Variants in KCNAB2 observed in about 807,000 individuals in gnomAD.
The protein encoded by KCNAB2 is potassium voltage-gated channel subfamily A regulatory beta subunit 2, also known as voltage-gated potassium channel subunit beta-2.
KCNAB2 carries 29 observed loss-of-function variants against 63.6 expected under a neutral mutation model. The ratio of observed to expected loss-of-function variants is 0.46; its 90% confidence interval spans 0.34 to 0.62. The LOEUF (loss-of-function observed/expected upper bound fraction) is 0.62, where lower values mean the gene tolerates loss of function less well. Ranked by LOEUF, KCNAB2 falls within the 20% of genes least tolerant of loss-of-function variation. The pLI, the probability that KCNAB2 is intolerant of heterozygous loss-of-function variation, is 0.01. For missense variants in KCNAB2, 359 were observed against 563.9 expected, an observed-to-expected ratio of 0.64 and a Z score of 3.68; for synonymous variants, 222 against 224.2, an observed-to-expected ratio of 0.99 and a Z score of 0.09.
intron 2 of KCNAB2, among the ~76,000 whole-genome samples, chr1:6,054,790 C>T (rs1661671426): frequency 2.0e-5 from 3 of 152,172 alleles, no homozygotes; most frequent in Admixed American, 2.0e-4. Context: ...CAAAGTTACA[C>T]TTCTATGCAA....
chr1:6,054,347 C>T (rs1166280138), intron 2 of KCNAB2, among the ~76,000 whole-genome samples: 1 of 151,864 alleles, frequency 6.6e-6, no homozygotes, highest in African/African-American at 2.4e-5. Flanking sequence ...GCAACAAAAG[C>T]AGCCGGGTGA....
chr1:6,068,964 T>G (rs1257671528), intron 2 of KCNAB2, among the ~76,000 whole-genome samples: 1 of 152,154 alleles, frequency 6.6e-6, no homozygotes, highest in Non-Finnish European at 1.5e-5. Flanking sequence ...AGGCCAAGCC[T>G]GATAAGTAAG....
chr1:6,075,210 A>G (rs1204861388), intron 4 of KCNAB2, among the ~76,000 whole-genome samples: 3 of 152,246 alleles, frequency 2.0e-5, no homozygotes, highest in Non-Finnish European at 4.4e-5. Flanking sequence ...GTAGAACGGC[A>G]TAACTTCATT....
chr1:6,088,038 T>C (rs1161050793), intron 7 of KCNAB2, among the ~76,000 whole-genome samples: 2 of 152,014 alleles, frequency 1.3e-5, no homozygotes, highest in African/African-American at 4.8e-5. Context: ...TCATTCATTC[T>C]TTTTTTTATT....
At chr1:6,093,215 T>C (rs1665333086) in intron 10 of KCNAB2, among the ~76,000 whole-genome samples, 1 of 152,220 alleles carries the variant, frequency 6.6e-6, no homozygotes, top group Admixed American at 6.5e-5. Flanking sequence ...GAGCCAGGGC[T>C]TTTCCAGGGT....
chr1:6,016,155 A>G (rs1658482371), intron 1 of KCNAB2, among the ~76,000 whole-genome samples: 1 of 152,160 alleles, frequency 6.6e-6, no homozygotes, highest in Non-Finnish European at 1.5e-5. Flanking sequence ...ACCAGCACCC[A>G]CCTGCTGCCT....
chr1:6,045,328 G>A (rs1421391683), upstream of KCNAB2, among the ~76,000 whole-genome samples: 1 of 152,154 alleles, frequency 6.6e-6, no homozygotes, highest in African/African-American at 2.4e-5. The surrounding 1 kb of genome is among the most constrained non-coding windows in gnomAD (Gnocchi z 4.8). Context: ...GACACGCAGT[G>A]ACCCTGGGGG....
At position 5,994,734 on chromosome 1, in the gene KCNAB2, G is replaced by A. The variant is rs1656847783; in HGVS notation, c.-53+1946G>A. ...AGAAGCCATTGCACCCGGGAGGTGGGACGTGGGCCATGGCGCTAGAGAGCT... is the reference window on the plus strand; with the variant it reads ...AGAAGCCATTGCACCCGGGAGGTGGAACGTGGGCCATGGCGCTAGAGAGCT... On this transcript the variant is annotated intron_variant, in intron 1 of 16. Coordinates refer to the KCNAB2 transcript ENST00000341524. This position sits in a 1 kb window ranked among gnomAD's most constrained non-coding sequence, Gnocchi z 5.4. Among the ~76,000 whole-genome samples, 1 of 152,206 alleles carries A rather than the reference G, an allele frequency of 6.6e-6. No homozygotes were observed. Among genetic ancestry groups the A allele is most frequent in the South Asian group, 2.1e-4 (1 of 4,836 alleles).
intron 1 of KCNAB2, among the ~76,000 whole-genome samples, chr1:6,047,660 G>A (rs1661042169): frequency 6.6e-6 from 1 of 152,210 alleles, no homozygotes; most frequent in Non-Finnish European, 1.5e-5. Context: ...CTGGGCCTTG[G>A]TTACTGTTCT....
rs1230667405 is a variant in KCNAB2, at chr1:6,069,964, CAG to C, written c.219-2790_219-2789del. 1.3e-5 allele frequency among the ~76,000 whole-genome samples: 2 copies of C among 152,208 alleles called. No individual in the cohort carries two copies. Among genetic ancestry groups the C allele is most frequent in the African/African-American group, 2.4e-5 (1 of 41,458 alleles). Reference sequence around the variant, plus strand: ...CTCAGACCAGGAACAGATATGGAATCAGGGGCAGGGGCACCTTTTGCCAGCCC... The same window carrying C: ...CTCAGACCAGGAACAGATATGGAATCGGGCAGGGGCACCTTTTGCCAGCCC... On this transcript the variant is annotated intron_variant, in intron 2 of 15. Transcript: ENST00000378083. The surrounding 1 kb of genome is among the most constrained non-coding windows in gnomAD (Gnocchi z 5.4).
At chr1:6,038,197 T>G (rs1660211035) in intron 1 of KCNAB2, among the ~76,000 whole-genome samples, 1 of 152,024 alleles carries the variant, frequency 6.6e-6, no homozygotes, top group Non-Finnish European at 1.5e-5. Context: ...TCTTTAAGAA[T>G]AAAACTCCAG....
rs111710370 is a variant in KCNAB2, at chr1:6,068,413, G to A, written c.219-4342G>A. Among the ~76,000 whole-genome samples the A allele has an allele frequency of 7.9e-3, 1,209 of 152,210 alleles. 18 individuals carry two copies. Among genetic ancestry groups the A allele is most frequent in the Middle Eastern group, 0.027 (8 of 294 alleles). On this transcript the variant is annotated intron_variant, in intron 2 of 15. Coordinates refer to ENST00000378083, the MANE Select transcript of KCNAB2 (RefSeq NM_001199862.2). Reference sequence around the variant, plus strand: ...GCCCTGGCACTCTCTGACTGAGGGCGGGTTTGCAGTCTGCAGACCAGAGTT... The same window carrying A: ...GCCCTGGCACTCTCTGACTGAGGGCAGGTTTGCAGTCTGCAGACCAGAGTT...
chr1:5,995,013 C>T (rs1381639425), intron 1 of KCNAB2, among the ~76,000 whole-genome samples: 3 of 152,140 alleles, frequency 2.0e-5, no homozygotes, highest in Non-Finnish European at 2.9e-5. Flanking sequence ...ACCAGGGGAC[C>T]GTGCTTCTGT....
At chr1:6,082,729 GC>G (rs1417398332) in intron 5 of KCNAB2, among the ~76,000 whole-genome samples, 4 of 152,210 alleles carry the variant, frequency 2.6e-5, no homozygotes, top group Non-Finnish European at 4.4e-5. Flanking sequence ...TAAAAGCTCA[GC>G]CTTCTTCAGC....
intron 1 of KCNAB2, among the ~76,000 whole-genome samples, chr1:6,012,197 T>TGGAGGTGATGAAGGC (rs1658204170): frequency 7.3e-6 from 1 of 136,692 alleles, no homozygotes; most frequent in Non-Finnish European, 1.6e-5. Context: ...GAGGTAATGG[T>TGGAGGTGATGAAGGC]GGAGGTGATG....
exon 2 of KCNAB2, chr1:6,040,525 C>T: frequency 6.5e-7 from 1 of 1,549,776 alleles, no homozygotes; most frequent in Non-Finnish European, 8.9e-7. Context: ...AGAATTTTCC[C>T]ACTGTAAAAA....
rs1663422346 is a variant in KCNAB2, at chr1:6,073,718, T to C, written c.263-15T>C. 2 of 1,614,030 alleles carry C rather than the reference T, an allele frequency of 1.2e-6. No individual in the cohort carries two copies. The highest frequency in any genetic ancestry group is 2.2e-5 in the East Asian group (1 of 44,868). ...CTGCCAGGTTCCTAACTTGAGCCCC[T>C]GTGTCTCCTTCCAGGAACATGGGTG... On this transcript the variant is annotated splice_polypyrimidine_tract_variant and intron_variant, in intron 3 of 15. Coordinates refer to ENST00000378083, the MANE Select transcript of KCNAB2 (RefSeq NM_001199862.2). This position sits in a 1 kb window ranked among gnomAD's most constrained non-coding sequence, Gnocchi z 5.7.
At chr1:6,041,803 T>A, upstream of KCNAB2, 1 of 1,606,948 alleles carries the variant, frequency 6.2e-7, no homozygotes, top group East Asian at 2.2e-5. Flanking sequence ...CTTTCTCCTT[T>A]TTCTCTTTTC....
intron 2 of KCNAB2, among the ~76,000 whole-genome samples, chr1:6,054,042 TAAAAA>T: frequency 7.3e-6 from 1 of 137,608 alleles, no homozygotes; most frequent in South Asian, 2.4e-4. Context: ...GACCCTGTCT[TAAAAA>T]AAAAAAAAAA....
Sources: gnomAD v4.1 joint callset for allele counts (sites outside exome capture counted in the v4.1 genomes callset) on GRCh38, gnomAD v4.1.1 for gene constraint, Gnocchi (gnomAD v3.1) non-coding constraint, MANE v1.5 for transcripts, NCBI Gene and HGNC (gene_info 2026-07-23, HGNC 2026-07-21) for gene names.